The following OPCML variants were observed in gnomAD, a reference collection of about 807,000 sequenced individuals.
OPCML encodes the protein opioid binding protein/cell adhesion molecule like, also known as opioid-binding protein/cell adhesion molecule.
OPCML carries 13 observed loss-of-function variants against 37.8 expected under a neutral mutation model. The observed-to-expected ratio is 0.34, with a 90% CI of 0.22 to 0.55. The LOEUF (loss-of-function observed/expected upper bound fraction) is 0.55. Ranked by LOEUF, OPCML falls within the 20% of genes least tolerant of loss-of-function variation. OPCML has a pLI of 0.91. For synonymous variants in OPCML, 176 were observed against 168.8 expected (o/e 1.04, Z -0.33); for missense variants, 341 against 435.6 (o/e 0.78, Z 1.93).
At chr11:132,797,022 T>C (rs1332972407) in intron 2 of OPCML, among the ~76,000 whole-genome samples, 1 of 152,220 alleles carries the variant, frequency 6.6e-6, no homozygotes, top group Non-Finnish European at 1.5e-5. Context: ...TCTTAACAAA[T>C]ATATGATTTG....
At chr11:133,158,122 G>A (rs1457507785) in intron 1 of OPCML, among the ~76,000 whole-genome samples, 1 of 152,198 alleles carries the variant, frequency 6.6e-6, no homozygotes, top group Non-Finnish European at 1.5e-5. Flanking sequence ...AGCAGTGGCA[G>A]GTGCTTGGCT....
At chr11:132,711,022 A>C (rs1472031962) in intron 2 of OPCML, among the ~76,000 whole-genome samples, 9 of 152,184 alleles carry the variant, frequency 5.9e-5, no homozygotes, top group Non-Finnish European at 1.5e-5. Context: ...CTGAGTCAAA[A>C]GCTCCAGGCT....
At chr11:132,618,105 A>G (rs377401434) in intron 3 of OPCML, among the ~76,000 whole-genome samples, 13 of 152,226 alleles carry the variant, frequency 8.5e-5, no homozygotes, top group Admixed American at 8.5e-4. Context: ...TTCAGGAATA[A>G]AAGTTGATGG....
intron 1 of OPCML, among the ~76,000 whole-genome samples, chr11:132,973,666 T>C (rs1946392856): frequency 6.6e-6 from 1 of 152,198 alleles, no homozygotes; most frequent in African/African-American, 2.4e-5. Flanking sequence ...AATAAACTCA[T>C]GCTCACCAAA....
intron 2 of OPCML, among the ~76,000 whole-genome samples, chr11:132,767,811 G>GAAA (rs71067394): frequency 1.0e-4 from 15 of 147,430 alleles, no homozygotes; most frequent in African/African-American, 3.7e-4. Flanking sequence ...TAATAGCTTG[G>GAAA]AAAAAAAAAA....
chr11:133,337,937 T>G (rs1375465200), intron 1 of OPCML, among the ~76,000 whole-genome samples: 1 of 151,904 alleles, frequency 6.6e-6, no homozygotes, highest in Admixed American at 6.6e-5. Context: ...TGTCTCCTGC[T>G]TGGGAGGGCT....
intron 1 of OPCML, among the ~76,000 whole-genome samples, chr11:133,091,847 T>TGC (rs1200429464): frequency 2.2e-4 from 34 of 152,292 alleles, no homozygotes; most frequent in Non-Finnish European, 4.0e-4. Flanking sequence ...GAATTTTGAG[T>TGC]TGATGCTGAA....
chr11:132,850,519 GT>G, intron 2 of OPCML, among the ~76,000 whole-genome samples: 1 of 69,798 alleles, frequency 1.4e-5, no homozygotes, highest in East Asian at 3.7e-4. Flanking sequence ...TGGAAAGGGT[GT>G]GTGTGTGTGT....
At chr11:132,522,867 T>A (rs2096297425) in intron 4 of OPCML, among the ~76,000 whole-genome samples, 1 of 152,236 alleles carries the variant, frequency 6.6e-6, no homozygotes. Flanking sequence ...ACTTGGTGAT[T>A]CCTTCTAAAA....
At chr11:132,989,602 CGTGTGTGTGTGTGTGTGTGT>C (rs72145712) in intron 1 of OPCML, among the ~76,000 whole-genome samples, 34 of 139,550 alleles carry the variant, frequency 2.4e-4, no homozygotes, top group South Asian at 2.0e-3. Context: ...GGTCCTAGAG[CGTGTGTGTGTGTGTGTGTGT>C]GTGTGTGTGT....
intron 4 of OPCML, among the ~76,000 whole-genome samples, chr11:132,525,279 T>C (rs1165672860): frequency 2.6e-5 from 4 of 152,236 alleles, no homozygotes; most frequent in Non-Finnish European, 5.9e-5. Context: ...GTGAACAGCA[T>C]GTACTCATAT....
At chr11:133,088,539 C>T (rs1412525611) in intron 1 of OPCML, among the ~76,000 whole-genome samples, 1 of 152,190 alleles carries the variant, frequency 6.6e-6, no homozygotes, top group Non-Finnish European at 1.5e-5. Flanking sequence ...TTTCTTTTGC[C>T]ATTGGCTTCC....
chr11:133,409,559 G>A (rs891893052), intron 1 of OPCML, among the ~76,000 whole-genome samples: 3 of 152,112 alleles, frequency 2.0e-5, no homozygotes, highest in Non-Finnish European at 2.9e-5. Context: ...GATGCCAGGG[G>A]TCTTATATAC....
At chr11:132,461,615 T>C (rs1001027434) in intron 4 of OPCML, among the ~76,000 whole-genome samples, 1 of 152,188 alleles carries the variant, frequency 6.6e-6, no homozygotes, top group Non-Finnish European at 1.5e-5. Context: ...TGGGAGCAAG[T>C]AGCAAGAACT....
chr11:133,031,946 T>C (rs1947682300), intron 1 of OPCML, among the ~76,000 whole-genome samples: 1 of 152,226 alleles, frequency 6.6e-6, no homozygotes, highest in Admixed American at 6.5e-5. Flanking sequence ...GCTTTGTTTT[T>C]TTCTGTACAT....
rs1328007120 is a variant in OPCML at position 132,415,888 on chromosome 11, T to C, written c.*4305A>G. On this transcript the variant is annotated 3_prime_UTR_variant, in exon 8 of 8. Transcript: ENST00000524381. ...AGACTGGCAGTTTTGTTTGTTTGCA[T>C]GTGGTGATCATTAGGCGTTCTCATC... is the stretch of plus-strand genomic sequence containing the variant. 6.6e-6 allele frequency: 1 copy of C among 152,652 alleles called. No homozygotes were observed. The allele number at this position is 152,652 out of a possible 1,614,324, so 9.5% of individuals were successfully genotyped here. A position where few individuals can be genotyped will look rare whatever the true frequency, so the allele number is the denominator to read the frequency against.
At chr11:133,367,774 C>T (rs1478345670) in intron 1 of OPCML, among the ~76,000 whole-genome samples, 3 of 152,134 alleles carry the variant, frequency 2.0e-5, no homozygotes, top group Non-Finnish European at 4.4e-5. Flanking sequence ...CTTCTTCCAC[C>T]ACACTCACAA....
intron 2 of OPCML, among the ~76,000 whole-genome samples, chr11:132,850,300 T>C (rs1326893161): frequency 6.6e-6 from 1 of 152,166 alleles, no homozygotes; most frequent in Non-Finnish European, 1.5e-5. Context: ...TCAGGCGCCA[T>C]GTAACATGGT....
At position 133,526,195 on chromosome 11, in the gene OPCML, G is replaced by A. The variant is rs115096293; in HGVS notation, c.61+6069C>T. Among the ~76,000 whole-genome samples the A allele has an allele frequency of 8.5e-3, 1,300 of 152,286 alleles. 22 individuals are homozygous for A. The highest frequency in any genetic ancestry group is 0.028 in the African/African-American group (1,163 of 41,552). On this transcript the variant is annotated intron_variant, in intron 1 of 7. Coordinates refer to ENST00000524381, the MANE Select transcript of OPCML (RefSeq NM_001012393.5). ...GGGTGGATGTGCAGGGAATCTCTGC[G>A]TTGCTAGGAAGAAGCACTCACACAT...
Sources: allele counts gnomAD v4.1 joint callset (sites outside exome capture counted in the v4.1 genomes callset), GRCh38; gene constraint gnomAD v4.1.1; transcripts MANE v1.5; gene names NCBI Gene and HGNC (gene_info 2026-07-23, HGNC 2026-07-21).